PCNX2: variants seen among roughly 807,000 people sequenced by gnomAD.
PCNX2 encodes the protein pecanex 2.
In PCNX2, 168 loss-of-function variants were observed where a neutral mutation model predicts 223.8. That is an observed-to-expected ratio of 0.75 (90% CI 0.66 to 0.85). The LOEUF is 0.85. PCNX2 is among the 40% of genes least tolerant of loss of function. The pLI, the probability that PCNX2 is intolerant of heterozygous loss-of-function variation, is 0.00. For synonymous variants in PCNX2, 1,006 were observed against 1,052.6 expected, an observed-to-expected ratio of 0.96 and a Z score of 0.86; for missense variants, 2,507 against 2,675.5, an observed-to-expected ratio of 0.94 and a Z score of 1.39.
intron 12 of PCNX2, among the ~76,000 whole-genome samples, chr1:233,216,793 A>T (rs1656956378): frequency 6.6e-6 from 1 of 152,168 alleles, no homozygotes; most frequent in Non-Finnish European, 1.5e-5. Context: ...TAGCCAAGAC[A>T]TGGTATCAAC....
intron 10 of PCNX2, among the ~76,000 whole-genome samples, chr1:233,222,721 G>A (rs1657459536): frequency 6.6e-6 from 1 of 152,144 alleles, no homozygotes; most frequent in Non-Finnish European, 1.5e-5. Flanking sequence ...GAATGCAGGT[G>A]TGAAAGGAAA....
intron 33 of PCNX2, chr1:232,985,605 C>T (rs1571977603): frequency 3.9e-6 from 1 of 255,298 alleles, no homozygotes; most frequent in East Asian, 7.8e-5. Context: ...GTCCTTAGAA[C>T]TCTCCTTGTC....
At chr1:233,173,083 C>T (rs1679254949) in intron 17 of PCNX2, among the ~76,000 whole-genome samples, 1 of 151,880 alleles carries the variant, frequency 6.6e-6, no homozygotes, top group Admixed American at 6.6e-5. Context: ...AGTCTGTCTC[C>T]TTTCTGTGTT....
chr1:233,081,698 TC>T (rs1673367840), intron 23 of PCNX2, among the ~76,000 whole-genome samples: 1 of 152,202 alleles, frequency 6.6e-6, no homozygotes, highest in Non-Finnish European at 1.5e-5. Context: ...GTATGAAAAC[TC>T]AAAGCTCAGC....
intron 15 of PCNX2, among the ~76,000 whole-genome samples, chr1:233,181,331 C>G (rs1679790716): frequency 6.6e-6 from 1 of 151,828 alleles, no homozygotes; most frequent in African/African-American, 2.4e-5. Flanking sequence ...TCCCAAGTAG[C>G]TGGGATTACA....
At position 233,000,090 on chromosome 1, in the gene PCNX2, G is replaced by A. The variant is rs1171428132; in HGVS notation, c.5328+215C>T. Reference sequence around the variant, plus strand: ...TGTGTCTGTGTGCTGGCTCTGTGAGGTGGAGGGTGATCCTGCCAGGGGAAC... The same window carrying A: ...TGTGTCTGTGTGCTGGCTCTGTGAGATGGAGGGTGATCCTGCCAGGGGAAC... On this transcript the variant is annotated intron_variant, in intron 30 of 33. Transcript: ENST00000258229. This position sits in a 1 kb window ranked among gnomAD's most constrained non-coding sequence, Gnocchi z 4.6. Among the ~76,000 whole-genome samples the A allele has an allele frequency of 1.3e-5, 2 of 152,068 alleles. No individual in the cohort carries two copies. The highest frequency in any genetic ancestry group is 2.9e-5 in the Non-Finnish European group (2 of 68,048).
intron 21 of PCNX2, among the ~76,000 whole-genome samples, chr1:233,133,253 A>C (rs559656949): frequency 9.2e-5 from 14 of 152,320 alleles, no homozygotes; most frequent in African/African-American, 3.4e-4. Context: ...AGTAATTTCT[A>C]GTAACTTCAC....
At chr1:233,257,334 C>T (rs998271333) in intron 5 of PCNX2, among the ~76,000 whole-genome samples, 7 of 152,014 alleles carry the variant, frequency 4.6e-5, no homozygotes, top group Non-Finnish European at 1.0e-4. Context: ...ATATCCATAA[C>T]GTAAAGTTAT....
In PCNX2 at chr1:233,199,004, A is replaced by G. The variant is rs773899080; in HGVS notation, c.3001T>C (p.Tyr1001His). 3 of 1,602,262 alleles carry G rather than the reference A, an allele frequency of 1.9e-6. No homozygotes were observed. The highest frequency in any genetic ancestry group is 1.7e-6 in the Non-Finnish European group (2 of 1,174,792). The change falls in exon 15 of 34, where the codon TAC becomes CAC. Residue 1001 changes from tyrosine to histidine, a missense_variant. Coordinates refer to ENST00000258229, the MANE Select transcript of PCNX2 (RefSeq NM_014801.4). ...GCCAAGACGCTCCGGGCCACACTGT[A>G]AACAGCCGAGGTTATCCCAGACACA... ...SAVSGITSAV[Y>H]SVARSVLAAA...
intron 7 of PCNX2, among the ~76,000 whole-genome samples, chr1:233,252,045 T>C (rs564659275): frequency 6.6e-6 from 1 of 152,208 alleles, no homozygotes; most frequent in African/African-American, 2.4e-5. Flanking sequence ...ACGAAAGAGA[T>C]GAGTGTTAAG....
At chr1:233,321,008 G>GTCT in the PCNX2 span, among the ~76,000 whole-genome samples, 1 of 121,836 alleles carries the variant, frequency 8.2e-6, no homozygotes, top group African/African-American at 3.1e-5. Flanking sequence ...TCAAGAAAAT[G>GTCT]TCTTCTTTTT....
rs150284310 is a variant in PCNX2, at chr1:233,261,804, C to T, written c.480+241G>A. On this transcript the variant is annotated intron_variant, in intron 3 of 33. Coordinates refer to ENST00000258229, the MANE Select transcript of PCNX2 (RefSeq NM_014801.4). ...CTGCCCAGTGTGGTTGACCCAGCAG[C>T]GCAGGTGGACGGCAGGGAAGGCCAG... 1.4e-3 allele frequency among the ~76,000 whole-genome samples: 213 copies of T among 152,288 alleles called. 1 individual carries two copies. In the East Asian group the frequency reaches 0.014, roughly 10 times the overall value.
chr1:233,110,915 C>T (rs759988793), intron 21 of PCNX2, among the ~76,000 whole-genome samples: 4 of 151,658 alleles, frequency 2.6e-5, no homozygotes, highest in East Asian at 1.9e-4. Context: ...CAGATACTGA[C>T]GAATTAACTT....
chr1:233,139,527 C>G lies in PCNX2; in HGVS notation c.3659+187G>C, dbSNP rs532368911. 6.6e-6 allele frequency among the ~76,000 whole-genome samples: 1 copy of G among 152,298 alleles called. No individual in the cohort carries two copies. Among genetic ancestry groups the G allele is most frequent in the African/African-American group, 2.4e-5 (1 of 41,566 alleles). On this transcript the variant is annotated intron_variant, in intron 20 of 33. Coordinates refer to ENST00000258229, the MANE Select transcript of PCNX2 (RefSeq NM_014801.4). This position sits in a 1 kb window ranked among gnomAD's most constrained non-coding sequence, Gnocchi z 4.4. The stretch of plus-strand genomic sequence containing the variant: ...TCAAGCAGATCTAACTTCATTTGCA[C>G]CCCAGTCATTCTACAATAACTGTCT...
Position 233,295,711 on chromosome 1 carries a change from C to T in PCNX2, c.-233G>A. ...GCTGCTGCGGCCGGGCAGGTGAGCG[C>T]CATGTCCGAGGGAGGAAGGATTTTC... On this transcript the variant is annotated 5_prime_UTR_variant, in exon 1 of 34. Transcript: ENST00000258229. This position sits in a 1 kb window ranked among gnomAD's most constrained non-coding sequence, Gnocchi z 4.1. The T allele has an allele frequency of 2.5e-6, 1 of 404,222 alleles. No individual in the cohort carries two copies. The highest frequency in any genetic ancestry group is 4.2e-6 in the Non-Finnish European group (1 of 238,696). The allele number at this position is 404,222 out of a possible 1,614,324, so 25.0% of individuals were successfully genotyped here. A position where few individuals can be genotyped will look rare whatever the true frequency, so the allele number is the denominator to read the frequency against.
chr1:233,154,667 C>T (rs1360008000), intron 19 of PCNX2, among the ~76,000 whole-genome samples: 2 of 152,168 alleles, frequency 1.3e-5, no homozygotes, highest in Non-Finnish European at 2.9e-5. Context: ...ATTTTATATG[C>T]ATATCAATAA....
intron 31 of PCNX2, 115 bp from the exon 32 acceptor site, chr1:232,998,553 AG>A: frequency 9.3e-7 from 1 of 1,080,114 alleles, no homozygotes; most frequent in Non-Finnish European, 1.3e-6. Flanking sequence ...CCAGGTGAGT[AG>A]CCCACCTGGC....
chr1:233,244,679 C>G (rs769745861), intron 8 of PCNX2, among the ~76,000 whole-genome samples: 2 of 148,102 alleles, frequency 1.4e-5, no homozygotes, highest in Non-Finnish European at 2.9e-5. Flanking sequence ...TCAATGCACT[C>G]CAGCCTAGGC....
At chr1:233,305,867 AC>A in the PCNX2 span, among the ~76,000 whole-genome samples, 1 of 152,256 alleles carries the variant, frequency 6.6e-6, no homozygotes, top group African/African-American at 2.4e-5. Context: ...AACACACATG[AC>A]ATATAAAAAC....
Sources: allele counts gnomAD v4.1 joint callset (sites outside exome capture counted in the v4.1 genomes callset), GRCh38; gene constraint gnomAD v4.1.1; non-coding constraint Gnocchi (gnomAD v3.1); transcripts MANE v1.5; gene names NCBI Gene and HGNC (gene_info 2026-07-23, HGNC 2026-07-21).